COL4A4: variants seen among roughly 807,000 people sequenced by gnomAD.
COL4A4 encodes collagen alpha-4(IV) chain.
COL4A4 carries 105 observed loss-of-function variants against 192.9 expected under a neutral mutation model. The observed-to-expected ratio is 0.54, with a 90% CI of 0.46 to 0.64. The LOEUF (loss-of-function observed/expected upper bound fraction) is 0.64, where lower values mean the gene tolerates loss of function less well. COL4A4 is among the 30% of genes least tolerant of loss of function. COL4A4 has a pLI of 0.00. For missense variants in COL4A4, 1,967 were observed against 2,169.3 expected (o/e 0.91, Z 1.85); for synonymous variants, 762 against 769.9 (o/e 0.99, Z 0.17).
At chr2:227,087,326 C>A (rs1007368060) in intron 22 of COL4A4, among the ~76,000 whole-genome samples, 4 of 152,164 alleles carry the variant, frequency 2.6e-5, no homozygotes, top group Admixed American at 2.6e-4. Flanking sequence ...AGTTGAATAT[C>A]ATCCTACTGC....
At chr2:227,045,256 T>C (rs373567787) in intron 35 of COL4A4, among the ~76,000 whole-genome samples, 1 of 152,104 alleles carries the variant, frequency 6.6e-6, no homozygotes, top group South Asian at 2.1e-4. Flanking sequence ...GCAGTATGCA[T>C]AGGGCCAGTT....
chr2:227,068,976 T>G (rs1365446865), intron 25 of COL4A4, among the ~76,000 whole-genome samples: 17 of 149,662 alleles, frequency 1.1e-4, no homozygotes, highest in Non-Finnish European at 1.8e-4. Context: ...CCCCATTGTC[T>G]CAGCCCAAAA....
At chr2:227,102,934 A>G in intron 14 of COL4A4, 86 bp from the exon 15 acceptor site, 2 of 1,179,648 alleles carry the variant, frequency 1.7e-6, no homozygotes, top group Non-Finnish European at 2.5e-6. Flanking sequence ...AGGGAAAAAA[A>G]ACAAAATGAG....
chr2:226,989,516 T>C, the COL4A4 span, among the ~76,000 whole-genome samples: 1 of 152,228 alleles, frequency 6.6e-6, no homozygotes, highest in African/African-American at 2.4e-5. Context: ...AATCAAGTTA[T>C]ACACTTCAAG....
At chr2:227,068,896 G>T (rs1454248179) in intron 25 of COL4A4, among the ~76,000 whole-genome samples, 1 of 150,634 alleles carries the variant, frequency 6.6e-6, no homozygotes. Context: ...GAAATAAAGG[G>T]TATTCAATTG....
chr2:227,107,486 C>T (rs2060916429), intron 12 of COL4A4, among the ~76,000 whole-genome samples: 1 of 152,190 alleles, frequency 6.6e-6, no homozygotes, highest in Admixed American at 6.5e-5. Flanking sequence ...ATATCACAGG[C>T]ACTTCCCCAC....
rs1187021827 is a variant in COL4A4 at position 227,089,376 on chromosome 2, C to T, written c.1459+492G>A. Reference sequence around the variant, plus strand: ...GTCAGACTCCTCATCTGTGTTGATGCTGTCACACCCACCTGACTCAGTTGC... The same window carrying T: ...GTCAGACTCCTCATCTGTGTTGATGTTGTCACACCCACCTGACTCAGTTGC... On this transcript the variant is annotated intron_variant, in intron 21 of 47. Transcript: ENST00000396625. Among the ~76,000 whole-genome samples, 4 of 151,796 alleles carry T rather than the reference C, an allele frequency of 2.6e-5. No homozygotes were observed. The East Asian group carries it at 7.8e-4, about 29-fold the overall frequency.
chr2:227,078,034 C>G lies in COL4A4; in HGVS notation c.1847G>C (p.Gly616Ala). 6.2e-7 allele frequency: 1 copy of G among 1,614,040 alleles called. No homozygotes were observed. Among genetic ancestry groups the G allele is most frequent in the Non-Finnish European group, 8.5e-7 (1 of 1,180,004 alleles). The change falls in exon 25 of 48, where the codon GGA becomes GCA. Residue 616 changes from glycine to alanine, a missense_variant. By Grantham distance (60) the Gly-to-Ala change is moderately conservative. Coordinates refer to ENST00000396625, the MANE Select transcript of COL4A4 (RefSeq NM_000092.5). ...DATPGGKGFP[G>A]PLGPPGKAGP... Reference sequence around the variant, plus strand: ...TGCTTTGCCTGGGGGGCCCAGAGGTCCAGGAAATCCTTTACCACCTGGGGT... The same window carrying G: ...TGCTTTGCCTGGGGGGCCCAGAGGTGCAGGAAATCCTTTACCACCTGGGGT...
chr2:227,125,683 G>A lies in COL4A4; in HGVS notation c.193-4535C>T, dbSNP rs181779883. On this transcript the variant is annotated intron_variant, in intron 4 of 47. Transcript: ENST00000396625. ...TCTGTTCTTTCACAGCATTTGCGCA[G>A]GCTGTCCTGTCCCGGGAGCGCCCCC... Among the ~76,000 whole-genome samples the A allele has an allele frequency of 3.6e-4, 55 of 152,264 alleles. 1 individual carries two copies. The highest frequency in any genetic ancestry group is 3.5e-3 in the Admixed American group (53 of 15,300).
intron 1 of COL4A4, among the ~76,000 whole-genome samples, chr2:227,158,125 C>T (rs2064500888): frequency 6.6e-6 from 1 of 152,012 alleles, no homozygotes; most frequent in Non-Finnish European, 1.5e-5. Flanking sequence ...AAAAACTAGT[C>T]ATAAGAATGA....
At chr2:227,119,621 C>T (rs2061670724) in intron 6 of COL4A4, among the ~76,000 whole-genome samples, 1 of 148,262 alleles carries the variant, frequency 6.7e-6, no homozygotes, top group South Asian at 2.1e-4. Context: ...TTGAAAGTAA[C>T]AGCAAAAACC....
chr2:226,972,941 A>C, the COL4A4 span, among the ~76,000 whole-genome samples: 12 of 151,790 alleles, frequency 7.9e-5, no homozygotes, highest in Admixed American at 5.9e-4. Flanking sequence ...AAAAAAAAAA[A>C]AAAACAAAAA....
chr2:227,163,958 A>T (rs769564499), intron 1 of COL4A4, 49 bp downstream of exon 1: 2 of 152,290 alleles, frequency 1.3e-5, no homozygotes, highest in African/African-American at 2.4e-5. Flanking sequence ...CCTCCCAGGC[A>T]GGTGCCGGGG....
At chr2:227,082,976 C>A (rs1322128976) in intron 22 of COL4A4, among the ~76,000 whole-genome samples, 2 of 152,118 alleles carry the variant, frequency 1.3e-5, no homozygotes, top group African/African-American at 4.8e-5. Context: ...CATCTATAAT[C>A]CCAGCATTTT....
the COL4A4 span, among the ~76,000 whole-genome samples, chr2:226,984,377 C>G: frequency 6.6e-6 from 1 of 152,194 alleles, no homozygotes; most frequent in African/African-American, 2.4e-5. Context: ...TAGATGGCTG[C>G]CTTCTCACTG....
At chr2:227,111,516 C>A (rs969935572) in intron 9 of COL4A4, among the ~76,000 whole-genome samples, 162 bp downstream of exon 9, 1 of 152,076 alleles carries the variant, frequency 6.6e-6, no homozygotes, top group Non-Finnish European at 1.5e-5. Context: ...TCTGTGGTCG[C>A]CATCTTGAAA....
chr2:227,112,475 G>A (rs1410551919), intron 8 of COL4A4, among the ~76,000 whole-genome samples: 1 of 152,048 alleles, frequency 6.6e-6, no homozygotes, highest in Non-Finnish European at 1.5e-5. Flanking sequence ...CACCATGTTG[G>A]CCAGGCTGGT....
the COL4A4 span, chr2:226,968,964 G>C: frequency 3.6e-5 from 6 of 168,166 alleles, no homozygotes; most frequent in African/African-American, 1.4e-4. Context: ...GAATGCTAAG[G>C]GATTTTTTTT....
chr2:227,146,228 A>G (rs947027250), intron 2 of COL4A4, among the ~76,000 whole-genome samples: 2 of 151,928 alleles, frequency 1.3e-5, no homozygotes, highest in African/African-American at 4.8e-5. Context: ...GTCCCTTTAT[A>G]CTGCACTGGA....
Sources: allele counts gnomAD v4.1 joint callset (sites outside exome capture counted in the v4.1 genomes callset), GRCh38; gene constraint gnomAD v4.1.1; transcripts MANE v1.5; gene names NCBI Gene and HGNC (gene_info 2026-07-23, HGNC 2026-07-21).